Variants in MCF2L observed in about 807,000 individuals in gnomAD.
MCF2L encodes the protein guanine nucleotide exchange factor DBS.
In MCF2L, 97 loss-of-function variants were observed where a neutral mutation model predicts 153.4. The observed-to-expected ratio is 0.63, with a 90% CI of 0.54 to 0.75. The LOEUF (loss-of-function observed/expected upper bound fraction) is 0.75, where lower values mean the gene tolerates loss of function less well. MCF2L is among the 30% of genes least tolerant of loss of function. The pLI, the probability that MCF2L is intolerant of heterozygous loss-of-function variation, is 0.00. For missense variants in MCF2L, 1,347 were observed against 1,495.2 expected (o/e 0.90, Z 1.64); for synonymous variants, 659 against 632.2 (o/e 1.04, Z -0.64).
intron 3 of MCF2L, among the ~76,000 whole-genome samples, chr13:113,037,234 G>T (rs1025548861): frequency 1.3e-5 from 2 of 152,180 alleles, no homozygotes; most frequent in Non-Finnish European, 2.9e-5. Flanking sequence ...TGATGATAAC[G>T]ACCACGATAG....
Position 113,074,875 on chromosome 13 carries a change from C to G in MCF2L, c.1117-123C>G. 1 of 936,838 alleles carries G rather than the reference C, an allele frequency of 1.1e-6. No homozygotes were observed. The highest frequency in any genetic ancestry group is 1.6e-6 in the Non-Finnish European group (1 of 622,688). 58.0% of individuals were successfully genotyped at this position (936,838 alleles called of 1,614,324 possible). On this transcript the variant is annotated intron_variant, in intron 10 of 29. Transcript: ENST00000535094. The surrounding 1 kb of genome is among the most constrained non-coding windows in gnomAD (Gnocchi z 4.2). Reference sequence around the variant, plus strand: ...GGGATTAAGCAGCATCTCAGGCATCCGCAGCAGTAAACAAAGAAATCAAGA... The same window carrying G: ...GGGATTAAGCAGCATCTCAGGCATCGGCAGCAGTAAACAAAGAAATCAAGA...
chr13:112,895,125 G>A (rs2081053900), intron 1 of MCF2L, among the ~76,000 whole-genome samples: 1 of 152,186 alleles, frequency 6.6e-6, no homozygotes, highest in Non-Finnish European at 1.5e-5. Context: ...GTTGCCGTGG[G>A]CCCTCTGTGG....
chr13:113,089,701 C>T lies in MCF2L; in HGVS notation c.2926C>T (p.Leu976=). The T allele has an allele frequency of 6.2e-7, 1 of 1,613,886 alleles. No homozygotes were observed. The highest frequency in any genetic ancestry group is 8.5e-7 in the Non-Finnish European group (1 of 1,180,010). The part of the protein sequence containing the change: ...SLEGYVSSAP[L]TKPPEKGKGW... ...GGAGGGATACGTCAGCTCAGCGCCA[C>T]TGACAAAGCCCCCCGAAAAGGGCAA... is the stretch of plus-strand genomic sequence containing the variant. Residue 976 remains leucine, a synonymous_variant, in exon 26 of 30, where the codon CTG becomes TTG. Coordinates refer to ENST00000535094, the MANE Select transcript of MCF2L (RefSeq NM_001112732.3).
rs56360016 is a variant in MCF2L, at chr13:113,031,866, CCACA to C, written c.278+7129_278+7132del. ...ACGCACCTACACAGGCTTGCACATG[CCACA>C]CACACACACACACACACACAGATGC... On this transcript the variant is annotated intron_variant, in intron 3 of 29. Coordinates refer to ENST00000535094, the MANE Select transcript of MCF2L (RefSeq NM_001112732.3). This position sits in a 1 kb window ranked among gnomAD's most constrained non-coding sequence, Gnocchi z 5.5. Among the ~76,000 whole-genome samples the C allele has an allele frequency of 0.068, 10,270 of 150,112 alleles. 1,036 individuals are homozygous for C. Among genetic ancestry groups the C allele is most frequent in the African/African-American group, 0.23 (9,345 of 40,950 alleles).
chr13:112,950,190 T>C (rs1594372161), intron 2 of MCF2L, among the ~76,000 whole-genome samples: 1 of 151,866 alleles, frequency 6.6e-6, no homozygotes, highest in African/African-American at 2.4e-5. Flanking sequence ...CACCCAAATA[T>C]GTACAAGACT....
intron 4 of MCF2L, among the ~76,000 whole-genome samples, chr13:113,058,378 G>C (rs980414574): frequency 6.8e-6 from 1 of 147,512 alleles, no homozygotes; most frequent in Non-Finnish European, 1.5e-5. Flanking sequence ...GCGCTAAGTG[G>C]GTGCTGAGTG....
chr13:113,090,167 G>A (rs2035066380), intron 26 of MCF2L: 1 of 1,529,230 alleles, frequency 6.5e-7, no homozygotes, highest in Non-Finnish European at 8.8e-7. Context: ...AAAGGTAAAA[G>A]TAGTGCCTGC....
At position 113,028,168 on chromosome 13, in the gene MCF2L, C is replaced by T. The variant is rs530561766; in HGVS notation, c.278+3410C>T. On this transcript the variant is annotated intron_variant, in intron 3 of 29. Coordinates refer to ENST00000535094, the MANE Select transcript of MCF2L (RefSeq NM_001112732.3). The surrounding 1 kb of genome is among the most constrained non-coding windows in gnomAD (Gnocchi z 5.4). ...TGTTGAACCTTCCTGTCTCTTTTGTCTTAGAAACTTCATGGAGTCCCTTAG... is the reference window on the plus strand; with the variant it reads ...TGTTGAACCTTCCTGTCTCTTTTGTTTTAGAAACTTCATGGAGTCCCTTAG... 9.2e-5 allele frequency among the ~76,000 whole-genome samples: 14 copies of T among 152,308 alleles called. No individual in the cohort carries two copies. In the East Asian group the frequency reaches 1.7e-3, roughly 19 times the overall value.
intron 1 of MCF2L, among the ~76,000 whole-genome samples, chr13:112,997,894 C>T (rs1481045935): frequency 1.3e-5 from 2 of 152,266 alleles, no homozygotes; most frequent in African/African-American, 4.8e-5. Context: ...AGGCAGGGAG[C>T]ACCTTCCTGT....
At chr13:113,088,902 C>T (rs1173919184) in intron 25 of MCF2L, among the ~76,000 whole-genome samples, 3 of 152,374 alleles carry the variant, frequency 2.0e-5, no homozygotes, top group South Asian at 4.1e-4. Flanking sequence ...ATCACAGCCA[C>T]GCCCCAGCAC....
At chr13:112,961,678 G>A (rs550228117) in intron 2 of MCF2L, among the ~76,000 whole-genome samples, 1 of 152,366 alleles carries the variant, frequency 6.6e-6, no homozygotes, top group Admixed American at 6.5e-5. Context: ...CAGCTGGGCT[G>A]TTGAGGGCAT....
rs1338410802 is a variant in MCF2L at position 112,951,886 on chromosome 13, C to T, written c.169+49515C>T. Reference sequence around the variant, plus strand: ...TACAGTTATCTAAAGCAAGAAAAATCAGTTCACACCTATTCACTCTCTGTC... The same window carrying T: ...TACAGTTATCTAAAGCAAGAAAAATTAGTTCACACCTATTCACTCTCTGTC... On this transcript the variant is annotated intron_variant, in intron 2 of 29. Transcript: ENST00000375608. This position sits in a 1 kb window ranked among gnomAD's most constrained non-coding sequence, Gnocchi z 4.8. Among the ~76,000 whole-genome samples, 1 of 152,198 alleles carries T rather than the reference C, an allele frequency of 6.6e-6. No individual in the cohort carries two copies. The highest frequency in any genetic ancestry group is 1.5e-5 in the Non-Finnish European group (1 of 68,026).
At chr13:113,049,675 C>A (rs948179835) in intron 4 of MCF2L, among the ~76,000 whole-genome samples, 1 of 152,230 alleles carries the variant, frequency 6.6e-6, no homozygotes, top group Non-Finnish European at 1.5e-5. Flanking sequence ...CCCGACCCCA[C>A]CAGGGTGCCC....
chr13:113,025,879 C>T (rs1279805493), intron 3 of MCF2L, among the ~76,000 whole-genome samples: 4 of 138,706 alleles, frequency 2.9e-5, no homozygotes, highest in African/African-American at 5.3e-5. Flanking sequence ...TGGGTCGGGG[C>T]AGAGTCCCTG....
At chr13:112,998,745 C>T (rs2083241886) in intron 1 of MCF2L, among the ~76,000 whole-genome samples, 1 of 152,220 alleles carries the variant, frequency 6.6e-6, no homozygotes, top group African/African-American at 2.4e-5. Flanking sequence ...TTCACGTGCA[C>T]TGTCTCTGGC....
At chr13:113,088,080 G>T (rs956110381) in intron 23 of MCF2L, among the ~76,000 whole-genome samples, 4 of 152,232 alleles carry the variant, frequency 2.6e-5, no homozygotes, top group Admixed American at 6.5e-5. Flanking sequence ...ACGCAGGGCC[G>T]ATTCTCACGG....
At chr13:113,041,950 A>T (rs1196119796) in intron 3 of MCF2L, among the ~76,000 whole-genome samples, 1 of 152,176 alleles carries the variant, frequency 6.6e-6, no homozygotes, top group Non-Finnish European at 1.5e-5. Flanking sequence ...GACTTTGGGC[A>T]AGTGACTAAA....
In MCF2L at chr13:113,096,664, C is replaced by A; in HGVS notation, c.3292+11C>A. ...GCCTGAGCAGCTCAGGTAAGGCCCA[C>A]GTGCCCCGAGCCCACCCGTGACGCT... On this transcript the variant is annotated intron_variant, in intron 29 of 29. Transcript: ENST00000535094. 6.3e-7 allele frequency: 1 copy of A among 1,576,906 alleles called. No homozygotes were observed.
chr13:113,007,717 G>C (rs773226021), intron 1 of MCF2L, among the ~76,000 whole-genome samples: 28 of 152,128 alleles, frequency 1.8e-4, no homozygotes, highest in Admixed American at 5.9e-4. Flanking sequence ...TTGGGGAGTC[G>C]GCGGGAGAGA....
Sources: gnomAD v4.1 joint callset for allele counts (sites outside exome capture counted in the v4.1 genomes callset) on GRCh38, gnomAD v4.1.1 for gene constraint, Gnocchi (gnomAD v3.1) non-coding constraint, MANE v1.5 for transcripts, NCBI Gene and HGNC (gene_info 2026-07-23, HGNC 2026-07-21) for gene names.